IL26: variants seen among roughly 807,000 people sequenced by gnomAD.
IL26 encodes the protein interleukin 26.
Under a neutral mutation model 21.7 loss-of-function variants are expected in IL26, and 23 were observed. The ratio of observed to expected loss-of-function variants is 1.06; its 90% CI spans 0.76 to 1.50. IL26 has a LOEUF of 1.50. Among genes scored for constraint, IL26 ranks in the 40% most tolerant of loss-of-function variants. The probability of loss-of-function intolerance (pLI) is 0.00; values close to 1 mark genes in which losing one functional copy is unlikely to be tolerated. For synonymous variants in IL26, 63 were observed against 67.8 expected (o/e 0.93, Z 0.34); for missense variants, 204 against 196.0 (o/e 1.04, Z -0.24).
chr12:68,203,724 G>A (rs940473025), intron 3 of IL26, among the ~76,000 whole-genome samples: 2 of 152,114 alleles, frequency 1.3e-5, no homozygotes, highest in African/African-American at 2.4e-5. Flanking sequence ...TGGTGGTGAC[G>A]GTTTTCTGGC....
intron 3 of IL26, among the ~76,000 whole-genome samples, chr12:68,213,054 C>T (rs11570938): frequency 0.11 from 16,283 of 151,884 alleles, 928 homozygotes; most frequent in Admixed American, 0.13. Context: ...CTGAGGTATG[C>T]CCCTTCTATA....
chr12:68,204,685 A>AT (rs902961500), intron 3 of IL26, among the ~76,000 whole-genome samples: 9 of 146,992 alleles, frequency 6.1e-5, no homozygotes, highest in African/African-American at 2.3e-4. Flanking sequence ...ACACTGTTCA[A>AT]TTAAAAAAAA....
intron 3 of IL26, among the ~76,000 whole-genome samples, chr12:68,207,122 T>C (rs933445378): frequency 2.0e-5 from 3 of 152,220 alleles, no homozygotes; most frequent in Admixed American, 1.3e-4. Context: ...TCTGGAAAAG[T>C]GCAAGGTTTT....
chr12:68,224,465 G>GTA (rs1869170273), intron 3 of IL26, among the ~76,000 whole-genome samples: 1 of 151,916 alleles, frequency 6.6e-6, no homozygotes, highest in Non-Finnish European at 1.5e-5. Context: ...ACCAAAGAAG[G>GTA]CATGTCTATC....
chr12:68,218,763 A>G (rs901781695), intron 3 of IL26, among the ~76,000 whole-genome samples: 3 of 152,052 alleles, frequency 2.0e-5, no homozygotes, highest in Non-Finnish European at 4.4e-5. Flanking sequence ...GAAGAAAACT[A>G]CATCAATTCA....
At chr12:68,201,995 A>T in intron 4 of IL26, 23 bp downstream of exon 4, 1 of 1,547,578 alleles carries the variant, frequency 6.5e-7, no homozygotes, top group Middle Eastern at 1.7e-4. Context: ...AAGTTTTTTA[A>T]TATAAGGATT....
intron 3 of IL26, among the ~76,000 whole-genome samples, chr12:68,206,079 G>A (rs1482115382): frequency 6.6e-6 from 1 of 152,126 alleles, no homozygotes; most frequent in Admixed American, 6.5e-5. Context: ...AATCTATTTT[G>A]TGATTTCTTT....
intron 3 of IL26, among the ~76,000 whole-genome samples, chr12:68,209,220 G>A (rs879760975): frequency 3.3e-5 from 5 of 152,172 alleles, no homozygotes; most frequent in Admixed American, 6.5e-5. Flanking sequence ...TCAAAGGAAT[G>A]AGAAAAGACA....
rs60633848 is a variant in IL26 at position 68,224,285 on chromosome 12, TTTTTGTTTTGTTTTGTTTTG to T, written c.363+844_363+863del. Among the ~76,000 whole-genome samples the T allele has an allele frequency of 1.4e-3, 210 of 148,128 alleles. 6 individuals are homozygous for T. In the East Asian group the frequency reaches 0.026, roughly 18 times the overall value. On this transcript the variant is annotated intron_variant, in intron 3 of 4. Coordinates refer to ENST00000229134, the MANE Select transcript of IL26 (RefSeq NM_018402.2). ...ACATTGCACAGATTCTGGCTCAGTG[TTTTTGTTTTGTTTTGTTTTG>T]TTTTGTTTTGTTTTGTTTTGTTTTG... is the stretch of plus-strand genomic sequence containing the variant.
At chr12:68,208,851 T>C (rs890846989) in intron 3 of IL26, among the ~76,000 whole-genome samples, 9 of 152,302 alleles carry the variant, frequency 5.9e-5, no homozygotes, top group East Asian at 5.8e-4. Context: ...TCGATTTTCA[T>C]TGAGTCCCCT....
At chr12:68,207,061 TAC>T (rs1474341149) in intron 3 of IL26, among the ~76,000 whole-genome samples, 4 of 152,232 alleles carry the variant, frequency 2.6e-5, no homozygotes, top group African/African-American at 9.6e-5. Flanking sequence ...TTAGCAGTCC[TAC>T]ACCCACATGA....
intron 3 of IL26, among the ~76,000 whole-genome samples, chr12:68,212,907 A>T (rs1423087502): frequency 6.6e-6 from 1 of 152,054 alleles, no homozygotes; most frequent in Non-Finnish European, 1.5e-5. Context: ...ATTTGCTGTG[A>T]CTAGGACTTT....
chr12:68,221,302 G>A (rs1440180152), intron 3 of IL26, among the ~76,000 whole-genome samples: 2 of 152,048 alleles, frequency 1.3e-5, no homozygotes, highest in East Asian at 3.9e-4. Context: ...TGGGGTGGGA[G>A]GAAAAGGAAA....
At chr12:68,220,263 C>T (rs1393602953) in intron 3 of IL26, among the ~76,000 whole-genome samples, 1 of 152,050 alleles carries the variant, frequency 6.6e-6, no homozygotes, top group Non-Finnish European at 1.5e-5. Context: ...AAACCGTAGA[C>T]TAACATCTAA....
At position 68,214,235 on chromosome 12, in the gene IL26, CTT is replaced by C. The variant is rs11571025; in HGVS notation, c.363+10912_363+10913del. ...GAAAAGATACTTGACATAATTATGACTTTTTGAATGTGCTGACACTTGTTTGG... is the reference window on the plus strand; with the variant it reads ...GAAAAGATACTTGACATAATTATGACTTTGAATGTGCTGACACTTGTTTGG... On this transcript the variant is annotated intron_variant, in intron 3 of 4. Coordinates refer to ENST00000229134, the MANE Select transcript of IL26 (RefSeq NM_018402.2). Among the ~76,000 whole-genome samples the C allele has an allele frequency of 7.6e-3, 1,162 of 152,140 alleles. 17 individuals are homozygous for C. Among genetic ancestry groups the C allele is most frequent in the African/African-American group, 0.027 (1,107 of 41,518 alleles).
chr12:68,218,331 A>G (rs754336763), intron 3 of IL26, among the ~76,000 whole-genome samples: 13 of 152,244 alleles, frequency 8.5e-5, no homozygotes, highest in Non-Finnish European at 1.6e-4. Context: ...ACTCTATTCC[A>G]TATGTTCTAG....
At chr12:68,224,279 T>G (rs1271522922) in intron 3 of IL26, among the ~76,000 whole-genome samples, 1 of 146,400 alleles carries the variant, frequency 6.8e-6, no homozygotes, top group Non-Finnish European at 1.5e-5. Flanking sequence ...AGATTCTGGC[T>G]CAGTGTTTTT....
At chr12:68,209,678 C>T (rs907794941) in intron 3 of IL26, among the ~76,000 whole-genome samples, 5 of 152,094 alleles carry the variant, frequency 3.3e-5, no homozygotes, top group Non-Finnish European at 4.4e-5. Flanking sequence ...GCACATGTTC[C>T]AAGACTCTTT....
At chr12:68,215,999 T>C (rs1868866957) in intron 3 of IL26, among the ~76,000 whole-genome samples, 1 of 150,172 alleles carries the variant, frequency 6.7e-6, no homozygotes, top group Non-Finnish European at 1.5e-5. Flanking sequence ...ATCTTTAAAT[T>C]AAACTACTGC....
Sources: allele counts gnomAD v4.1 joint callset (sites outside exome capture counted in the v4.1 genomes callset), GRCh38; gene constraint gnomAD v4.1.1; transcripts MANE v1.5; gene names NCBI Gene and HGNC (gene_info 2026-07-23, HGNC 2026-07-21).